STAM: variants seen among roughly 807,000 people sequenced by gnomAD.
STAM encodes signal transducing adapter molecule 1.
STAM carries 16 observed loss-of-function variants against 63.4 expected under a neutral mutation model. The ratio of observed to expected loss-of-function variants is 0.25; its 90% CI spans 0.17 to 0.38. The LOEUF is 0.38. Among genes scored for constraint, STAM ranks in the 10% least tolerant of loss-of-function variants. The probability of loss-of-function intolerance (pLI) is 1.00; values close to 1 mark genes in which losing one functional copy is unlikely to be tolerated. For synonymous variants in STAM, 238 were observed against 223.9 expected (o/e 1.06, Z -0.56); for missense variants, 636 against 657.1 (o/e 0.97, Z 0.35).
At chr10:17,691,198 A>G (rs954386995) in intron 5 of STAM, among the ~76,000 whole-genome samples, 1 of 152,128 alleles carries the variant, frequency 6.6e-6, no homozygotes, top group Non-Finnish European at 1.5e-5. Flanking sequence ...GAACACCAAA[A>G]AGTTTTTTTC....
Position 17,660,469 on chromosome 10 carries a change from G to A in STAM, c.46G>A (p.Ala16Thr), listed in dbSNP as rs1554822734. 6.3e-7 allele frequency: 1 copy of A among 1,585,552 alleles called. No individual in the cohort carries two copies. The highest frequency in any genetic ancestry group is 1.9e-5 in the Admixed American group (1 of 53,658). The change falls in exon 2 of 14, where the codon GCA (alanine) becomes ACA (threonine). Residue 16 changes from alanine to threonine, a missense_variant. Physicochemically the swap from Ala to Thr is moderately conservative, Grantham distance 58. Around this residue, in one of 3 missense-constraint regions of STAM, gnomAD observed 87 missense variants for 80.3 expected, o/e 1.08. Transcript: ENST00000377524. ...TNPFDQDVEKATSEMNTAEDW... is the reference protein window; with the variant it reads ...TNPFDQDVEKTTSEMNTAEDW... ...ATCCCCTTTACAATCTACAGAGAAA[G>A]CAACCAGCGAGATGAATACTGCTGA...
chr10:17,691,850 T>C (rs7920313), intron 5 of STAM, among the ~76,000 whole-genome samples: 14,619 of 152,278 alleles, frequency 0.096, 764 homozygotes, highest in Middle Eastern at 0.15. Flanking sequence ...AATGACAATA[T>C]ACATTCATAA....
intron 2 of STAM, among the ~76,000 whole-genome samples, chr10:17,667,689 C>T (rs192651772): frequency 7.2e-5 from 11 of 152,260 alleles, no homozygotes; most frequent in Non-Finnish European, 1.5e-4. Flanking sequence ...AGCTAAGAAG[C>T]TAGTAACCAG....
rs555966032 is a variant in STAM at position 17,644,728 on chromosome 10, G to C, written c.40+349G>C. ...AAGGGCTTAAGGCGTATGTTGGCTA[G>C]ATTAGGATTGTAAACCCTGTACCAA... On this transcript the variant is annotated intron_variant, in intron 1 of 13. Transcript: ENST00000377524. 5.3e-5 allele frequency among the ~76,000 whole-genome samples: 8 copies of C among 152,356 alleles called. No homozygotes were observed. In the South Asian group the frequency reaches 1.7e-3, roughly 32 times the overall value.
chr10:17,703,008 CAAAAAAAAA>C (rs71507229), intron 9 of STAM, among the ~76,000 whole-genome samples: 1 of 67,862 alleles, frequency 1.5e-5, no homozygotes, highest in African/African-American at 5.2e-5. Context: ...GACTCCATCT[CAAAAAAAAA>C]AAAAAAAAAA....
In STAM at chr10:17,706,064, T is replaced by G. The variant is rs114139528; in HGVS notation, c.1209+323T>G. On this transcript the variant is annotated intron_variant, in intron 12 of 13. Coordinates refer to ENST00000377524, the MANE Select transcript of STAM (RefSeq NM_003473.4). ...GCCTGGGCAACAGCGACACCCTGTCTCTAAAATAAATAAATAAATAAATAA... is the reference window on the plus strand; with the variant it reads ...GCCTGGGCAACAGCGACACCCTGTCGCTAAAATAAATAAATAAATAAATAA... Among the ~76,000 whole-genome samples, 1,020 of 152,160 alleles carry G rather than the reference T, an allele frequency of 6.7e-3. 7 individuals are homozygous for G. Among genetic ancestry groups the G allele is most frequent in the African/African-American group, 0.023 (967 of 41,494 alleles).
chr10:17,693,167 AGAG>A (rs766442690), intron 5 of STAM, 52 bp from the exon 6 acceptor site: 5 of 1,496,048 alleles, frequency 3.3e-6, no homozygotes, highest in Non-Finnish European at 4.6e-6. Flanking sequence ...AGGGTGGGTG[AGAG>A]GAGGAGAATT....
At chr10:17,709,008 C>T in intron 13 of STAM, 57 bp downstream of exon 13, 1 of 1,547,862 alleles carries the variant, frequency 6.5e-7, no homozygotes, top group Non-Finnish European at 8.8e-7. Context: ...GTTTAAGTGC[C>T]CCCAGTTATC....
intron 2 of STAM, among the ~76,000 whole-genome samples, chr10:17,668,749 C>T (rs980335156): frequency 6.6e-6 from 1 of 152,170 alleles, no homozygotes; most frequent in Admixed American, 6.5e-5. Context: ...CTTTCACTTA[C>T]CAGTATGCAT....
In STAM at chr10:17,679,898, T is replaced by A. The variant is rs940438487; in HGVS notation, c.126-4777T>A. 1.1e-4 allele frequency among the ~76,000 whole-genome samples: 16 copies of A among 152,214 alleles called. No homozygotes were observed. In the East Asian group the frequency reaches 1.2e-3, roughly 11 times the overall value. ...AAGTTGTTCATAGGGTCTTTTAAAA[T>A]CCTTTTTATTTCAGTGAGGTTGAGA... On this transcript the variant is annotated intron_variant, in intron 2 of 13. Coordinates refer to ENST00000377524, the MANE Select transcript of STAM (RefSeq NM_003473.4).
intron 8 of STAM, among the ~76,000 whole-genome samples, chr10:17,697,851 T>G (rs1411547319): frequency 6.6e-6 from 1 of 152,116 alleles, no homozygotes; most frequent in African/African-American, 2.4e-5. Flanking sequence ...CTCATTATCG[T>G]TTTTTAATGC....
rs782170532 is a variant in STAM, at chr10:17,705,734, G to T, written c.1202G>T (p.Gly401Val). 1 of 1,610,620 alleles carries T rather than the reference G, an allele frequency of 6.2e-7. No homozygotes were observed. Among genetic ancestry groups the T allele is most frequent in the South Asian group, 1.1e-5 (1 of 89,944 alleles). The part of the protein sequence containing the change: ...PYYMQSSGVS[G>V]SQVYAGPPPS... The stretch of plus-strand genomic sequence containing the variant: ...TATATGCAGTCATCTGGTGTTTCTG[G>T]TTCTCAGGTAAGCTTTTAGAAGCCC... The change falls in exon 12 of 14, where the codon GGT becomes GTT. Residue 401 changes from glycine to valine, a missense_variant. Around this residue, in one of 3 missense-constraint regions of STAM, gnomAD observed 532 missense variants for 536.9 expected, o/e 0.99. Transcript: ENST00000377524.
chr10:17,656,111 A>C (rs2264643), intron 1 of STAM, among the ~76,000 whole-genome samples: 1 of 151,838 alleles, frequency 6.6e-6, no homozygotes, highest in African/African-American at 2.4e-5. Flanking sequence ...TGGCTAACAC[A>C]GTGAAACCCG....
chr10:17,665,476 T>TACAACA (rs1834339236), intron 2 of STAM, among the ~76,000 whole-genome samples: 3 of 152,230 alleles, frequency 2.0e-5, no homozygotes, highest in Middle Eastern at 3.4e-3. Context: ...TTCCCCCCAT[T>TACAACA]TACATGTAAT....
At chr10:17,653,497 A>C (rs1176526724) in intron 1 of STAM, among the ~76,000 whole-genome samples, 14 of 152,184 alleles carry the variant, frequency 9.2e-5, no homozygotes, top group Admixed American at 9.2e-4. Context: ...GCTTCCTAGC[A>C]CAGAAGCTTT....
intron 1 of STAM, among the ~76,000 whole-genome samples, chr10:17,650,929 G>A (rs1195099707): frequency 6.6e-6 from 1 of 151,402 alleles, no homozygotes; most frequent in Non-Finnish European, 1.5e-5. Context: ...GCCGGGCGTA[G>A]TGGCGGGCGC....
At chr10:17,665,020 G>A (rs1554823260) in intron 2 of STAM, among the ~76,000 whole-genome samples, 1 of 151,464 alleles carries the variant, frequency 6.6e-6, no homozygotes, top group Non-Finnish European at 1.5e-5. Flanking sequence ...TTCTCTTTTG[G>A]CTTCTTTTTT....
rs1836835072 is a variant in STAM, at chr10:17,716,820, T to C, written c.*2040T>C. On this transcript the variant is annotated 3_prime_UTR_variant, in exon 14 of 14. Coordinates refer to ENST00000377524, the MANE Select transcript of STAM (RefSeq NM_003473.4). ...ATAAAGGTTTAAATGATGAGTACTT[T>C]AAAACTGTTACTGTGTTAGTTTATG... Among the ~76,000 whole-genome samples, 1 of 152,214 alleles carries C rather than the reference T, an allele frequency of 6.6e-6. No homozygotes were observed. The highest frequency in any genetic ancestry group is 1.5e-5 in the Non-Finnish European group (1 of 68,036).
At chr10:17,659,325 T>G (rs1477910013) in intron 1 of STAM, among the ~76,000 whole-genome samples, 1 of 152,094 alleles carries the variant, frequency 6.6e-6, no homozygotes, top group Admixed American at 6.5e-5. Flanking sequence ...AGAATATATA[T>G]AAAATCGTAG....
Sources: allele counts gnomAD v4.1 joint callset (sites outside exome capture counted in the v4.1 genomes callset), GRCh38; gene constraint gnomAD v4.1.1; regional missense constraint gnomAD v4.1.1; transcripts MANE v1.5; gene names NCBI Gene and HGNC (gene_info 2026-07-23, HGNC 2026-07-21).